The following FHIT variants were observed in gnomAD, a reference collection of about 807,000 sequenced individuals.
The protein encoded by FHIT is fragile histidine triad diadenosine triphosphatase, also known as bis(5'-adenosyl)-triphosphatase.
A neutral mutation model predicts 17.9 loss-of-function variants in FHIT; 19 were observed. That is an observed-to-expected ratio of 1.06 (90% confidence interval 0.74 to 1.56). The LOEUF (loss-of-function observed/expected upper bound fraction) is 1.56. Ranked by LOEUF, FHIT falls within the 40% of genes most tolerant of loss-of-function variation. The pLI, the probability that FHIT is intolerant of heterozygous loss-of-function variation, is 0.00. For synonymous variants in FHIT, 81 were observed against 69.7 expected, an observed-to-expected ratio of 1.16 and a Z score of -0.81; for missense variants, 248 against 189.2, an observed-to-expected ratio of 1.31 and a Z score of -1.82.
chr3:60,179,016 A>G (rs915138938), intron 5 of FHIT, among the ~76,000 whole-genome samples: 1 of 152,172 alleles, frequency 6.6e-6, no homozygotes, highest in African/African-American at 2.4e-5. Flanking sequence ...CCTTAATTAC[A>G]CTATAAGACT....
intron 7 of FHIT, among the ~76,000 whole-genome samples, chr3:59,930,566 C>T (rs1030703175): frequency 3.9e-5 from 6 of 152,128 alleles, no homozygotes; most frequent in Admixed American, 6.5e-5. Context: ...CCAGAAAGGG[C>T]GGCAGGCTTC....
intron 5 of FHIT, among the ~76,000 whole-genome samples, chr3:60,412,562 T>C (rs1702102162): frequency 6.6e-6 from 1 of 152,072 alleles, no homozygotes; most frequent in Admixed American, 6.6e-5. Flanking sequence ...TGCCATTTAT[T>C]GACCACCGAA....
chr3:59,755,672 G>C (rs1701178171), intron 8 of FHIT, among the ~76,000 whole-genome samples: 2 of 152,172 alleles, frequency 1.3e-5, no homozygotes, highest in Admixed American at 1.3e-4. Flanking sequence ...CACTGAACCA[G>C]ACAGACTCCT....
At chr3:59,985,305 T>C (rs1026678415) in intron 7 of FHIT, among the ~76,000 whole-genome samples, 3 of 152,138 alleles carry the variant, frequency 2.0e-5, no homozygotes, top group South Asian at 4.2e-4. Flanking sequence ...AATTCCATTT[T>C]ATCTGCACTG....
At chr3:60,184,713 G>C (rs577875437) in intron 5 of FHIT, among the ~76,000 whole-genome samples, 13 of 152,168 alleles carry the variant, frequency 8.5e-5, no homozygotes, top group Non-Finnish European at 1.6e-4. Flanking sequence ...CATTTAAGAT[G>C]TGAGAGCTAG....
intron 8 of FHIT, among the ~76,000 whole-genome samples, chr3:59,781,186 C>T (rs1352765163): frequency 2.0e-5 from 3 of 152,170 alleles, no homozygotes; most frequent in Non-Finnish European, 4.4e-5. Flanking sequence ...TGACCTGTAA[C>T]ATCACCCCTG....
rs1039691238 is a variant in FHIT at position 59,989,550 on chromosome 3, G to C, written c.279+21821C>G. Among the ~76,000 whole-genome samples, 86 of 152,156 alleles carry C rather than the reference G, an allele frequency of 5.7e-4. 1 individual carries two copies. The highest frequency in any genetic ancestry group is 2.0e-3 in the African/African-American group (85 of 41,542). ...GGGTCTCTGAGGGCTGGGCATGTTA[G>C]AGTCTGAGATATAAAACACAGTATA... is the stretch of plus-strand genomic sequence containing the variant. On this transcript the variant is annotated intron_variant, in intron 7 of 9. Transcript: ENST00000492590.
chr3:59,925,224 C>T (rs1270129866), intron 7 of FHIT, among the ~76,000 whole-genome samples: 1 of 152,106 alleles, frequency 6.6e-6, no homozygotes, highest in African/African-American at 2.4e-5. Flanking sequence ...CTGCCTCAGC[C>T]TCCCAAATGG....
At chr3:60,441,391 CACTT>C (rs1300599031) in intron 5 of FHIT, among the ~76,000 whole-genome samples, 3 of 151,944 alleles carry the variant, frequency 2.0e-5, no homozygotes, top group African/African-American at 7.2e-5. Context: ...GAGGTGTCTC[CACTT>C]ACTTAACAAT....
chr3:60,164,891 T>C (rs1701100756), intron 5 of FHIT, among the ~76,000 whole-genome samples: 1 of 152,148 alleles, frequency 6.6e-6, no homozygotes, highest in Non-Finnish European at 1.5e-5. Context: ...TATGGCTCTG[T>C]CCTGTTGGCA....
Position 61,201,112 on chromosome 3 carries a change from A to G in FHIT, c.-212-447T>C, listed in dbSNP as rs139608113. Among the ~76,000 whole-genome samples the G allele has an allele frequency of 3.9e-3, 597 of 152,330 alleles. 1 individual carries two copies. Among genetic ancestry groups the G allele is most frequent in the Admixed American group, 0.012 (179 of 15,308 alleles). On this transcript the variant is annotated intron_variant, in intron 1 of 9. Coordinates refer to ENST00000492590, the MANE Select transcript of FHIT (RefSeq NM_002012.4). ...TGCCTATTCCATTTATATGACATGCATGGTCCTTCTAATATAAACCTCACC... is the reference window on the plus strand; with the variant it reads ...TGCCTATTCCATTTATATGACATGCGTGGTCCTTCTAATATAAACCTCACC...
chr3:60,398,773 G>A (rs967522724), intron 5 of FHIT, among the ~76,000 whole-genome samples: 15 of 152,056 alleles, frequency 9.9e-5, no homozygotes, highest in Non-Finnish European at 1.8e-4. Flanking sequence ...GAATCTATTT[G>A]ATTTCATAGG....
chr3:60,031,811 G>T (rs1444527930), intron 5 of FHIT, among the ~76,000 whole-genome samples: 2 of 152,024 alleles, frequency 1.3e-5, no homozygotes, highest in Non-Finnish European at 2.9e-5. Flanking sequence ...GGAAACACAT[G>T]AACATGAATG....
chr3:61,151,570 CTTTTCT>C (rs1161125529), intron 2 of FHIT, among the ~76,000 whole-genome samples: 13 of 124,344 alleles, frequency 1.0e-4, no homozygotes, highest in African/African-American at 4.0e-4. Context: ...ATATTCTTTT[CTTTTCT>C]TTTTTTTTTT....
At chr3:61,035,009 T>C (rs2033174806) in intron 3 of FHIT, among the ~76,000 whole-genome samples, 1 of 152,150 alleles carries the variant, frequency 6.6e-6, no homozygotes, top group Non-Finnish European at 1.5e-5. Flanking sequence ...GGGTGAACCT[T>C]GAAAACATGC....
intron 8 of FHIT, among the ~76,000 whole-genome samples, chr3:59,894,352 A>G (rs1703975872): frequency 6.6e-6 from 1 of 152,248 alleles, no homozygotes; most frequent in African/African-American, 2.4e-5. Context: ...GGTTATTATG[A>G]ACATTAAATA....
At chr3:61,054,928 T>G (rs576320193) in intron 2 of FHIT, among the ~76,000 whole-genome samples, 4 of 152,304 alleles carry the variant, frequency 2.6e-5, no homozygotes, top group African/African-American at 9.6e-5. Flanking sequence ...ATTCCTCTGC[T>G]GCTCTCCCTG....
At chr3:59,818,566 TG>T (rs1229995362) in intron 8 of FHIT, among the ~76,000 whole-genome samples, 1 of 152,226 alleles carries the variant, frequency 6.6e-6, no homozygotes, top group Non-Finnish European at 1.5e-5. Context: ...ATAAGTTTTT[TG>T]GGGGACTTGT....
intron 4 of FHIT, among the ~76,000 whole-genome samples, chr3:60,749,329 T>C (rs1264048771): frequency 6.6e-6 from 1 of 152,234 alleles, no homozygotes; most frequent in East Asian, 1.9e-4. Context: ...ATCTGTTGAA[T>C]CCCAAATGTC....
Sources: allele counts gnomAD v4.1 joint callset (sites outside exome capture counted in the v4.1 genomes callset), GRCh38; gene constraint gnomAD v4.1.1; transcripts MANE v1.5; gene names NCBI Gene and HGNC (gene_info 2026-07-23, HGNC 2026-07-21).